The following OR2T11 variants were observed in gnomAD, a reference collection of about 807,000 sequenced individuals.
The protein encoded by OR2T11 is olfactory receptor family 2 subfamily T member 11, also known as olfactory receptor 2T11.
Under a neutral mutation model 13.5 loss-of-function variants are expected in OR2T11, and 14 were observed. The ratio of observed to expected loss-of-function variants is 1.04; its 90% CI spans 0.69 to 1.62. The LOEUF is 1.62. Among genes scored for constraint, OR2T11 ranks in the 40% most tolerant of loss-of-function variants. The pLI, the probability that OR2T11 is intolerant of heterozygous loss-of-function variation, is 0.00. For missense variants in OR2T11, 410 were observed against 389.7 expected (o/e 1.05, Z -0.44); for synonymous variants, 163 against 154.6 (o/e 1.05, Z -0.40).
In OR2T11 at chr1:248,629,417, CTTATTTA is replaced by C. The variant is rs1418894095; in HGVS notation, c.-144-2152_-144-2146del. ...CTAAAAAAGAAATGAATAAGTAAAA[CTTATTTA>C]TTAACAATTAAAAACCTATAATATT... On this transcript the variant is annotated intron_variant, in intron 1 of 1. Coordinates refer to ENST00000641193, the MANE Select transcript of OR2T11 (RefSeq NM_001001964.2). Among the ~76,000 whole-genome samples the C allele has an allele frequency of 9.3e-5, 13 of 139,048 alleles. 3 individuals carry two copies. Among genetic ancestry groups the C allele is most frequent in the African/African-American group, 3.2e-4 (11 of 34,606 alleles). The allele number at this position is 139,048 out of a possible 152,430, so 91.2% of individuals were successfully genotyped here.
At chr1:248,631,093 G>C (rs927214830) in intron 1 of OR2T11, among the ~76,000 whole-genome samples, 7 of 143,098 alleles carry the variant, frequency 4.9e-5, no homozygotes, top group African/African-American at 1.9e-4. Context: ...TCATAGAAAA[G>C]TAGGTAGCCT....
chr1:248,626,837 T>C lies in OR2T11; in HGVS notation c.292A>G (p.Ile98Val). 6.4e-7 allele frequency: 1 copy of C among 1,571,862 alleles called. No individual in the cohort carries two copies. Among genetic ancestry groups the C allele is most frequent in the Non-Finnish European group, 8.6e-7 (1 of 1,156,234 alleles). Residue 98 changes from isoleucine to valine, a missense_variant, in exon 2 of 2, where the codon ATC becomes GTC. Transcript: ENST00000641193. ...IISFVACGIQ[I>V]FLYLTMIGSE... Reference sequence around the variant, plus strand: ...CCAATCATGGTCAGGTAGAGGAAGATCTGGATGCCACAGGCCACAAAGGAA... The same window carrying C: ...CCAATCATGGTCAGGTAGAGGAAGACCTGGATGCCACAGGCCACAAAGGAA...
intron 1 of OR2T11, among the ~76,000 whole-genome samples, chr1:248,634,694 T>C (rs1210307167): frequency 1.6e-5 from 2 of 123,596 alleles, no homozygotes; most frequent in East Asian, 4.8e-4. Flanking sequence ...TTTCAGTCAT[T>C]TTGTTTTCAC....
chr1:248,631,431 G>A (rs60360762), intron 1 of OR2T11, among the ~76,000 whole-genome samples: 1,677 of 142,658 alleles, frequency 0.012, 346 homozygotes, highest in African/African-American at 0.044. Context: ...CAGGTGGGAG[G>A]AGCTGGATCC....
At position 248,624,698 on chromosome 1, in the gene OR2T11, A is replaced by G. The variant is rs1660490068; in HGVS notation, c.*1480T>C. ...GTTCAGAACTCTAATCTGAAGTACA[A>G]TTGACTTTACATATAGCTTCAATAT... On this transcript the variant is annotated 3_prime_UTR_variant, in exon 2 of 2. Coordinates refer to ENST00000641193, the MANE Select transcript of OR2T11 (RefSeq NM_001001964.2). 1 of 144,188 alleles carries G rather than the reference A, an allele frequency of 6.9e-6. No homozygotes were observed. Among genetic ancestry groups the G allele is most frequent in the African/African-American group, 2.7e-5 (1 of 36,728 alleles). The allele number at this position is 144,188 out of a possible 1,614,324, so 8.9% of individuals were successfully genotyped here.
chr1:248,625,829 C>T lies in OR2T11; in HGVS notation c.*349G>A, dbSNP rs73142414. Reference sequence around the variant, plus strand: ...GACTGTAAACATTTGATAGCTTTTGCAGGTTTCTTTCATTGTGTTGTTTAA... The same window carrying T: ...GACTGTAAACATTTGATAGCTTTTGTAGGTTTCTTTCATTGTGTTGTTTAA... On this transcript the variant is annotated 3_prime_UTR_variant, in exon 2 of 2. Transcript: ENST00000641193. The T allele has an allele frequency of 0.047, 7,783 of 166,590 alleles. 1,928 individuals are homozygous for T. Among genetic ancestry groups the T allele is most frequent in the African/African-American group, 0.2 (7,227 of 36,994 alleles). 10.3% of individuals were successfully genotyped at this position (166,590 alleles called of 1,614,324 possible).
intron 1 of OR2T11, 131 bp from the exon 2 acceptor site, chr1:248,627,403 G>A (rs551983396): frequency 3.0e-5 from 13 of 435,742 alleles, no homozygotes; most frequent in East Asian, 4.1e-5. Context: ...TGGTAACTGC[G>A]TGATACAATT....
In OR2T11 at chr1:248,625,541, A is replaced by C. The variant is rs1660501536; in HGVS notation, c.*637T>G. The C allele has an allele frequency of 7.0e-6, 1 of 143,826 alleles. No homozygotes were observed. Among genetic ancestry groups the C allele is most frequent in the South Asian group, 2.2e-4 (1 of 4,578 alleles). 8.9% of individuals were successfully genotyped at this position (143,826 alleles called of 1,614,324 possible). A position where few individuals can be genotyped will look rare whatever the true frequency, so the allele number is the denominator to read the frequency against. Reference sequence around the variant, plus strand: ...TCTTTGATGCTAAGTGTTAGAGTCTATTCCCTGTGAGTAGCTGTGTCATGC... The same window carrying C: ...TCTTTGATGCTAAGTGTTAGAGTCTCTTCCCTGTGAGTAGCTGTGTCATGC... On this transcript the variant is annotated 3_prime_UTR_variant, in exon 2 of 2. Transcript: ENST00000641193.
At position 248,626,748 on chromosome 1, in the gene OR2T11, C is replaced by G; in HGVS notation, c.381G>C (p.Leu127=). 1 of 1,572,686 alleles carries G rather than the reference C, an allele frequency of 6.4e-7. No homozygotes were observed. Among genetic ancestry groups the G allele is most frequent in the Non-Finnish European group, 8.6e-7 (1 of 1,156,614 alleles). The change falls in exon 2 of 2, where the codon CTG becomes CTC. Residue 127 remains leucine (L), a synonymous_variant. Coordinates refer to ENST00000641193, the MANE Select transcript of OR2T11 (RefSeq NM_001001964.2). ...TGCGGTTCATCAGGACTGGGTATCTCAGAGGGTTACAGACAGCCACGTAGC... is the reference window on the plus strand; with the variant it reads ...TGCGGTTCATCAGGACTGGGTATCTGAGAGGGTTACAGACAGCCACGTAGC... ...YDCYVAVCNP[L]RYPVLMNRKK... is the part of the protein sequence containing the mutation.
At position 248,626,367 on chromosome 1, in the gene OR2T11, G is replaced by T. The variant is rs200646881; in HGVS notation, c.762C>A (p.Tyr254Ter). 120 of 1,573,316 alleles carry T rather than the reference G, an allele frequency of 7.6e-5. 24 individuals carry two copies. In the African/African-American group the frequency reaches 1.7e-3, roughly 23 times the overall value. The change falls in exon 2 of 2, where the codon TAC becomes TAA. Residue 254 changes from tyrosine to a stop codon, truncating the protein, a stop_gained. Transcript: ENST00000641193. LOFTEE classifies it high-confidence loss of function. ...GGAAGGACTGGGGCAGCACGTATGT[G>T]TAGAAGGCAGCCCCATAGAAGATGC... ...VVSIFYGAAF[Y>*]TYVLPQSFHT...
chr1:248,625,938 A>G lies in OR2T11; in HGVS notation c.*240T>C. The G allele has an allele frequency of 6.2e-6, 2 of 321,470 alleles. No individual in the cohort carries two copies. The highest frequency in any genetic ancestry group is 1.3e-4 in the South Asian group (2 of 14,854). 19.9% of individuals were successfully genotyped at this position (321,470 alleles called of 1,614,324 possible). The stretch of plus-strand genomic sequence containing the variant: ...AATATTTGGGGTTTTTCTTCCCTAA[A>G]TAAAAAGACTAGATAAATTATTTAA... On this transcript the variant is annotated 3_prime_UTR_variant, in exon 2 of 2. Transcript: ENST00000641193.
rs1660497339 is a variant in OR2T11 at position 248,625,247 on chromosome 1, C to G, written c.*931G>C. The G allele has an allele frequency of 7.0e-6, 1 of 143,572 alleles. No homozygotes were observed. The highest frequency in any genetic ancestry group is 6.8e-5 in the Admixed American group (1 of 14,718). The allele number at this position is 143,572 out of a possible 1,614,324, so 8.9% of individuals were successfully genotyped here. Reference sequence around the variant, plus strand: ...CACAAGCCATCCTTGTTTCTCATCTCTGAAACCTCAATTGTCTTCCTGTAT... The same window carrying G: ...CACAAGCCATCCTTGTTTCTCATCTGTGAAACCTCAATTGTCTTCCTGTAT... On this transcript the variant is annotated 3_prime_UTR_variant, in exon 2 of 2. Transcript: ENST00000641193.
Position 248,626,682 on chromosome 1 carries a change from G to A in OR2T11, c.447C>T (p.Gly149=). The change falls in exon 2 of 2, where the codon GGC becomes GGT. Residue 149 remains glycine, a synonymous_variant. Coordinates refer to ENST00000641193, the MANE Select transcript of OR2T11 (RefSeq NM_001001964.2). ...GAGTGAGCAGAAAGCCATCGAGGGAGCCCCCAAACCAGGCACCAGCAGCCA... is the reference window on the plus strand; with the variant it reads ...GAGTGAGCAGAAAGCCATCGAGGGAACCCCCAAACCAGGCACCAGCAGCCA... ...LLLAAGAWFG[G]SLDGFLLTPI... 1 of 1,573,014 alleles carries A rather than the reference G, an allele frequency of 6.4e-7. No individual in the cohort carries two copies. The highest frequency in any genetic ancestry group is 8.6e-7 in the Non-Finnish European group (1 of 1,156,674).
rs764879186 is a variant in OR2T11, at chr1:248,626,924, G to T, written c.205C>A (p.Leu69Ile). The stretch of plus-strand genomic sequence containing the variant: ...TTTGGGACAGTGGTACAGATGAAAA[G>T]GGTGTCCATGATGGACAGCTGACTG... ...LLSQLSIMDT[L>I]FICTTVPKLL... Residue 69 changes from leucine to isoleucine, a missense_variant, in exon 2 of 2, where the codon CTT becomes ATT. Transcript: ENST00000641193. 6.4e-7 allele frequency: 1 copy of T among 1,570,206 alleles called. No homozygotes were observed. Among genetic ancestry groups the T allele is most frequent in the Non-Finnish European group, 8.7e-7 (1 of 1,154,248 alleles).
chr1:248,627,321 T>C, intron 1 of OR2T11, 49 bp from the exon 2 acceptor site: 1 of 545,090 alleles, frequency 1.8e-6, no homozygotes, highest in Non-Finnish European at 3.2e-6. Context: ...GCAAAAACCA[T>C]GGCTGCATTT....
chr1:248,623,963 C>G lies in OR2T11; in HGVS notation c.*2215G>C, dbSNP rs1393699434. 7.1e-6 allele frequency: 1 copy of G among 141,832 alleles called. No individual in the cohort carries two copies. The highest frequency in any genetic ancestry group is 2.8e-5 in the African/African-American group (1 of 35,702). The allele number at this position is 141,832 out of a possible 1,614,324, so 8.8% of individuals were successfully genotyped here. ...AAACTTTTGACGGGACCACCCTGAT[C>G]TTTACTCATAGACGCTCTCATTGAT... On this transcript the variant is annotated 3_prime_UTR_variant, in exon 2 of 2. Transcript: ENST00000641193.
chr1:248,626,111 C>T lies in OR2T11; in HGVS notation c.*67G>A. On this transcript the variant is annotated 3_prime_UTR_variant, in exon 2 of 2. Coordinates refer to ENST00000641193, the MANE Select transcript of OR2T11 (RefSeq NM_001001964.2). The stretch of plus-strand genomic sequence containing the variant: ...AGTGTAGGTTGATAGCTGAGCAGAT[C>T]ATCTCCAGGGAAACAGGGCAAATGG... 2 of 861,646 alleles carry T rather than the reference C, an allele frequency of 2.3e-6. No individual in the cohort carries two copies. Among genetic ancestry groups the T allele is most frequent in the Admixed American group, 1.9e-5 (1 of 51,566 alleles). 53.4% of individuals were successfully genotyped at this position (861,646 alleles called of 1,614,324 possible).
rs1394887253 is a variant in OR2T11, at chr1:248,629,015, C to T, written c.-144-1743G>A. Among the ~76,000 whole-genome samples the T allele has an allele frequency of 2.8e-5, 4 of 143,592 alleles. 1 individual carries two copies. The highest frequency in any genetic ancestry group is 6.0e-5 in the Non-Finnish European group (4 of 66,286). The allele number at this position is 143,592 out of a possible 152,430, so 94.2% of individuals were successfully genotyped here. On this transcript the variant is annotated intron_variant, in intron 1 of 1. Transcript: ENST00000641193. ...AAAAGAAACATTCTATATTAGACTC[C>T]AAAAACTTCCTAATAGAATTAACCC...
intron 1 of OR2T11, among the ~76,000 whole-genome samples, chr1:248,628,325 C>G (rs182784475): frequency 3.5e-5 from 5 of 141,458 alleles, no homozygotes; most frequent in Non-Finnish European, 7.6e-5. Flanking sequence ...CCCCTCTCCC[C>G]GCCAGCACCT....
Sources: allele counts gnomAD v4.1 joint callset (sites outside exome capture counted in the v4.1 genomes callset), GRCh38; gene constraint gnomAD v4.1.1; transcripts MANE v1.5; gene names NCBI Gene and HGNC (gene_info 2026-07-23, HGNC 2026-07-21).